Variants in GOLGA8O observed in about 807,000 individuals in gnomAD.
GOLGA8O encodes the protein golgin A8 family member O, also known as golgin subfamily A member 8O.
Under a neutral mutation model 29.7 loss-of-function variants are expected in GOLGA8O, and 4 were observed. That is an observed-to-expected ratio of 0.13 (90% CI 0.07 to 0.31). The LOEUF is 0.31. Among genes scored for constraint, GOLGA8O ranks in the 10% least tolerant of loss-of-function variants. The pLI is 1.00. For missense variants in GOLGA8O, 32 were observed against 216.5 expected (o/e 0.15, Z 5.35); for synonymous variants, 6 against 78.0 (o/e 0.08, Z 4.87).
the GOLGA8O span, among the ~76,000 whole-genome samples, chr15:32,460,691 G>GCACA: frequency 1.1e-5 from 1 of 95,236 alleles, no homozygotes; most frequent in East Asian, 2.7e-4. Flanking sequence ...ATACACACGC[G>GCACA]CACACACACA....
chr15:32,450,509 C>T (rs1488400663), intron 8 of GOLGA8O, among the ~76,000 whole-genome samples: 2 of 122,004 alleles, frequency 1.6e-5, no homozygotes, highest in African/African-American at 6.0e-5. Flanking sequence ...TGTATATTAT[C>T]ACAGTATGTA....
upstream of GOLGA8O, among the ~76,000 whole-genome samples, chr15:32,459,293 CA>C (rs1278269909): frequency 5.0e-3 from 204 of 40,472 alleles, 8 homozygotes; most frequent in East Asian, 0.021. Flanking sequence ...AACTGGGTCT[CA>C]AAAAAAAAAA....
At chr15:32,450,550 C>CACGCACGCGTTTCCTCTTTCTACAGAA in intron 8 of GOLGA8O, among the ~76,000 whole-genome samples, 1 of 139,158 alleles carries the variant, frequency 7.2e-6, no homozygotes, top group East Asian at 2.3e-4. Flanking sequence ...CACACACACA[C>CACGCACGCGTTTCCTCTTTCTACAGAA]ATGCACGCGT....
upstream of GOLGA8O, among the ~76,000 whole-genome samples, chr15:32,458,774 C>A (rs2648304): frequency 2.4e-3 from 238 of 97,238 alleles, 1 homozygote; most frequent in African/African-American, 7.6e-3. Context: ...CAGCCTCCCA[C>A]GTAGCTGGGA....
rs2055061521 is a variant in GOLGA8O at position 32,444,475 on chromosome 15, AG to A, written c.*630del. ...GAGGAGGCCACTTTCCTCTTCTGTG[AG>A]ATTTAAAAAGCTCCCCCAAAAGGTT... is the stretch of plus-strand genomic sequence containing the variant. On this transcript the variant is annotated 3_prime_UTR_variant, in exon 19 of 19. Transcript: ENST00000509311. 1.7e-5 allele frequency among the ~76,000 whole-genome samples: 2 copies of A among 118,856 alleles called. No individual in the cohort carries two copies. The highest frequency in any genetic ancestry group is 5.7e-5 in the African/African-American group (2 of 35,304). 78.0% of individuals were successfully genotyped at this position (118,856 alleles called of 152,430 possible).
Position 32,451,537 on chromosome 15 carries a change from G to A in GOLGA8O, c.348+64C>T, listed in dbSNP as rs1379306146. On this transcript the variant is annotated intron_variant, in intron 5 of 18. Transcript: ENST00000509311. ...TGGGAGTGGGTGAGACGAGACTGGG[G>A]CCTGTATGTCTGAGTGCCCCCCAAA... The A allele has an allele frequency of 1.1e-5, 17 of 1,596,642 alleles. No individual in the cohort carries two copies. The African/African-American group carries it at 2.4e-4, about 22-fold the overall frequency.
Position 32,451,016 on chromosome 15 carries a change from G to T in GOLGA8O, c.488C>A (p.Ser163Tyr). ...ERSLRYFEEESKDLAVRLQHS... is the reference protein window; with the variant it reads ...ERSLRYFEEEYKDLAVRLQHS... The stretch of plus-strand genomic sequence containing the variant: ...TTGCAGGCGGACAGCCAGGTCCTTG[G>T]ACTCTTCTGTAATGAGAGAGTTGAG... The change falls in exon 8 of 19, where the codon TCC becomes TAC. Residue 163 changes from serine to tyrosine, a missense_variant. Coordinates refer to ENST00000509311, the MANE Select transcript of GOLGA8O (RefSeq NM_001277308.1). 4.5e-6 allele frequency: 6 copies of T among 1,337,364 alleles called. 1 individual carries two copies. The highest frequency in any genetic ancestry group is 2.6e-5 in the South Asian group (2 of 78,222). The allele number at this position is 1,337,364 out of a possible 1,614,324, so 82.8% of individuals were successfully genotyped here.
At chr15:32,450,555 A>G (rs1292513159) in intron 8 of GOLGA8O, among the ~76,000 whole-genome samples, 21 of 144,050 alleles carry the variant, frequency 1.5e-4, no homozygotes, top group Admixed American at 4.2e-4. Flanking sequence ...ACACACATGC[A>G]CGCGTTTCCT....
In GOLGA8O at chr15:32,451,506, C is replaced by T. The variant is rs2055131868; in HGVS notation, c.348+95G>A. 3.8e-6 allele frequency: 6 copies of T among 1,595,008 alleles called. No homozygotes were observed. The East Asian group carries it at 1.1e-4, about 30-fold the overall frequency. On this transcript the variant is annotated intron_variant, in intron 5 of 18. Transcript: ENST00000509311. ...GAATCTGAGGGGTGAGCCTTCTTCC[C>T]CAAGCTGGGAGTGGGTGAGACGAGA... is the stretch of plus-strand genomic sequence containing the variant.
chr15:32,457,522 G>GT (rs2055200414), upstream of GOLGA8O, among the ~76,000 whole-genome samples: 1 of 10,274 alleles, frequency 9.7e-5, no homozygotes, highest in Non-Finnish European at 2.1e-4. Context: ...CTCTTGGTGT[G>GT]TTGTCGGGCA....
upstream of GOLGA8O, among the ~76,000 whole-genome samples, chr15:32,458,535 T>C (rs1312517024): frequency 1.8e-5 from 2 of 108,512 alleles, no homozygotes; most frequent in Non-Finnish European, 2.0e-5. Context: ...GGATGGAGGA[T>C]AACAATTAGG....
upstream of GOLGA8O, among the ~76,000 whole-genome samples, chr15:32,460,564 ACTAT>A (rs2055219915): frequency 2.2e-5 from 2 of 89,646 alleles, 1 homozygote; most frequent in Non-Finnish European, 4.7e-5. Context: ...AATCAAGCAA[ACTAT>A]CAATCAAGTG....
rs569689991 is a variant in GOLGA8O, at chr15:32,450,627, C to T, written c.591+286G>A. On this transcript the variant is annotated intron_variant, in intron 8 of 18. Transcript: ENST00000509311. Reference sequence around the variant, plus strand: ...TCTGTACCTTCACAGTACAAGTACCCAATACCCCACCTAGGACTTGCCCAA... The same window carrying T: ...TCTGTACCTTCACAGTACAAGTACCTAATACCCCACCTAGGACTTGCCCAA... 1.6e-4 allele frequency among the ~76,000 whole-genome samples: 25 copies of T among 152,000 alleles called. No individual in the cohort carries two copies. The South Asian group carries it at 4.8e-3, about 29-fold the overall frequency.
chr15:32,446,464 T>G lies in GOLGA8O; in HGVS notation c.1368+10A>C. 3.2e-6 allele frequency: 5 copies of G among 1,565,202 alleles called. No homozygotes were observed. The Admixed American group carries it at 5.5e-5, about 17-fold the overall frequency. On this transcript the variant is annotated intron_variant, in intron 15 of 18. Coordinates refer to ENST00000509311, the MANE Select transcript of GOLGA8O (RefSeq NM_001277308.1). The stretch of plus-strand genomic sequence containing the variant: ...GTGGCAAAATGGGTGCAGGGGGGAG[T>G]CAGGCTCACCATGGCCTCCCTGCTC...
intron 8 of GOLGA8O, among the ~76,000 whole-genome samples, chr15:32,450,549 A>ACG (rs1473478228): frequency 7.0e-6 from 1 of 142,236 alleles, no homozygotes; most frequent in African/African-American, 2.7e-5. Flanking sequence ...ACACACACAC[A>ACG]CATGCACGCG....
At chr15:32,460,717 A>G in the GOLGA8O span, among the ~76,000 whole-genome samples, 1 of 99,926 alleles carries the variant, frequency 1.0e-5, no homozygotes, top group South Asian at 3.4e-4. Context: ...ACGCACACAC[A>G]CACACACACA....
intron 8 of GOLGA8O, among the ~76,000 whole-genome samples, chr15:32,450,490 C>T (rs2055106652): frequency 7.0e-6 from 1 of 143,080 alleles, no homozygotes; most frequent in Non-Finnish European, 1.5e-5. Context: ...CCCTTGCAGA[C>T]ATGTTTTATG....
chr15:32,458,459 T>C (rs1214592477), upstream of GOLGA8O, among the ~76,000 whole-genome samples: 5 of 104,522 alleles, frequency 4.8e-5, 1 homozygote, highest in African/African-American at 2.0e-4. Flanking sequence ...ATGTAGATTT[T>C]ACATCCAGAG....
intron 17 of GOLGA8O, 45 bp downstream of exon 17, chr15:32,445,573 C>CA: frequency 0.013 from 87 of 6,868 alleles, 13 homozygotes; most frequent in South Asian, 0.027. Context: ...CCCACCCTCA[C>CA]ACCCACCCCC....
Sources: gnomAD v4.1 joint callset for allele counts (sites outside exome capture counted in the v4.1 genomes callset) on GRCh38, gnomAD v4.1.1 for gene constraint, MANE v1.5 for transcripts, NCBI Gene and HGNC (gene_info 2026-07-23, HGNC 2026-07-21) for gene names.